BRD10: variants seen among roughly 807,000 people sequenced by gnomAD.
BRD10 encodes uncharacterized bromodomain-containing protein 10.
chr9:5,932,633 T>C, the BRD10 span, among the ~76,000 whole-genome samples: 1 of 152,138 alleles, frequency 6.6e-6, no homozygotes, highest in African/African-American at 2.4e-5. Flanking sequence ...CACTCGAACA[T>C]ACATGGATTT....
chr9:5,992,008 C>G, the BRD10 span, among the ~76,000 whole-genome samples: 3 of 152,202 alleles, frequency 2.0e-5, no homozygotes, highest in African/African-American at 4.8e-5. Flanking sequence ...TCCAGATACT[C>G]ATATGGCTAC....
chr9:5,939,427 T>C, the BRD10 span, among the ~76,000 whole-genome samples: 2 of 152,208 alleles, frequency 1.3e-5, no homozygotes, highest in African/African-American at 2.4e-5. Flanking sequence ...TATAACCATA[T>C]TGTTTGTAAC....
the BRD10 span, among the ~76,000 whole-genome samples, chr9:5,989,348 C>T: frequency 2.1e-5 from 3 of 145,838 alleles, no homozygotes; most frequent in Non-Finnish European, 3.0e-5. Context: ...GTGGGAGGAC[C>T]GATGCTTGGG....
chr9:5,881,233 C>A, the BRD10 span, among the ~76,000 whole-genome samples: 3 of 152,154 alleles, frequency 2.0e-5, no homozygotes, highest in African/African-American at 7.2e-5. Flanking sequence ...ATGGGAGAGT[C>A]AAATGCCCCT....
the BRD10 span, chr9:5,922,873 A>G: frequency 1.2e-6 from 2 of 1,613,872 alleles, no homozygotes; most frequent in Non-Finnish European, 1.7e-6. Flanking sequence ...CTTCCGGAGG[A>G]GATAAAACTG....
At chr9:5,977,558 G>A in the BRD10 span, among the ~76,000 whole-genome samples, 1 of 152,310 alleles carries the variant, frequency 6.6e-6, no homozygotes, top group African/African-American at 2.4e-5. Flanking sequence ...TCTTAAAAAT[G>A]CTGAAGTGGC....
the BRD10 span, among the ~76,000 whole-genome samples, chr9:5,979,210 G>A: frequency 1.3e-5 from 2 of 152,104 alleles, no homozygotes; most frequent in African/African-American, 2.4e-5. Flanking sequence ...ATGAAATAAA[G>A]AGTACTAACA....
the BRD10 span, chr9:5,922,681 A>C: frequency 6.2e-7 from 1 of 1,613,912 alleles, no homozygotes; most frequent in Admixed American, 1.7e-5. Flanking sequence ...TCTTAGGCAG[A>C]ATAAGAACTT....
chr9:5,934,239 T>TA, the BRD10 span, among the ~76,000 whole-genome samples: 1 of 152,170 alleles, frequency 6.6e-6, no homozygotes, highest in South Asian at 2.1e-4. Flanking sequence ...TATTTACAAA[T>TA]ATGTTGTTAG....
At chr9:5,933,534 A>G in the BRD10 span, among the ~76,000 whole-genome samples, 1 of 152,236 alleles carries the variant, frequency 6.6e-6, no homozygotes, top group South Asian at 2.1e-4. Context: ...TGGAGGTTTT[A>G]TAACCCCATA....
the BRD10 span, among the ~76,000 whole-genome samples, chr9:5,925,711 A>C: frequency 1.3e-5 from 2 of 152,214 alleles, no homozygotes; most frequent in Non-Finnish European, 2.9e-5. Context: ...TGCCTAGGAA[A>C]ACAAAGCTGA....
chr9:5,880,665 T>C, the BRD10 span, among the ~76,000 whole-genome samples: 1 of 151,976 alleles, frequency 6.6e-6, no homozygotes, highest in African/African-American at 2.4e-5. Flanking sequence ...AGTTTCTACC[T>C]GATCCCTTTC....
chr9:5,922,049 G>A, the BRD10 span: 2 of 1,613,986 alleles, frequency 1.2e-6, no homozygotes, highest in Middle Eastern at 3.3e-4. Context: ...CTGCAGCTGA[G>A]GAGCAAAAGT....
At chr9:5,916,055 C>G in the BRD10 span, among the ~76,000 whole-genome samples, 4 of 152,200 alleles carry the variant, frequency 2.6e-5, no homozygotes, top group African/African-American at 7.2e-5. Flanking sequence ...TTCAACTTTT[C>G]TAAGCCTCAA....
chr9:5,935,978 G>A, the BRD10 span, among the ~76,000 whole-genome samples: 13 of 152,010 alleles, frequency 8.6e-5, no homozygotes, highest in Non-Finnish European at 1.5e-4. Flanking sequence ...TGATGACTTG[G>A]GTCATCATTA....
chr9:5,958,551 C>T, the BRD10 span, among the ~76,000 whole-genome samples: 1 of 151,972 alleles, frequency 6.6e-6, no homozygotes, highest in Non-Finnish European at 1.5e-5. Flanking sequence ...ACTTGGGAGG[C>T]GGAGGTGAGA....
chr9:5,966,750 G>C, the BRD10 span, among the ~76,000 whole-genome samples: 1 of 151,984 alleles, frequency 6.6e-6, no homozygotes, highest in African/African-American at 2.4e-5. Flanking sequence ...AAGCCACCGT[G>C]CCCAGCCTAG....
At chr9:5,924,869 T>G in the BRD10 span, 1 of 1,389,012 alleles carries the variant, frequency 7.2e-7, no homozygotes, top group Non-Finnish European at 9.5e-7. Flanking sequence ...CCCAACATAA[T>G]AAATAATACA....
chr9:5,969,451 C>T, the BRD10 span: 5 of 1,455,286 alleles, frequency 3.4e-6, no homozygotes, highest in Admixed American at 2.6e-5. Context: ...AGAAATTTAA[C>T]AAATTATACT....
Sources: allele counts gnomAD v4.1 joint callset (sites outside exome capture counted in the v4.1 genomes callset), GRCh38; gene constraint gnomAD v4.1.1; transcripts MANE v1.5; gene names NCBI Gene and HGNC (gene_info 2026-07-23, HGNC 2026-07-21).